The following PHLDB2 variants were observed in gnomAD, a reference collection of about 807,000 sequenced individuals.
The protein encoded by PHLDB2 is pleckstrin homology like domain family B member 2.
PHLDB2 carries 71 observed loss-of-function variants against 123.6 expected under a neutral mutation model. The ratio of observed to expected loss-of-function variants is 0.57; its 90% confidence interval spans 0.47 to 0.70. The LOEUF (loss-of-function observed/expected upper bound fraction) is 0.70, where lower values mean the gene tolerates loss of function less well. PHLDB2 is among the 30% of genes least tolerant of loss of function. The pLI is 0.00. For missense variants in PHLDB2, 1,446 were observed against 1,519.5 expected (o/e 0.95, Z 0.80); for synonymous variants, 547 against 541.6 (o/e 1.01, Z -0.14).
intron 13 of PHLDB2, among the ~76,000 whole-genome samples, chr3:111,966,085 G>A (rs1023837883): frequency 2.6e-5 from 4 of 152,140 alleles, no homozygotes; most frequent in Admixed American, 2.0e-4. Flanking sequence ...AATAAATAAA[G>A]TGTCCACACA....
At chr3:111,844,729 C>T (rs1248273109) in intron 1 of PHLDB2, among the ~76,000 whole-genome samples, 1 of 152,172 alleles carries the variant, frequency 6.6e-6, no homozygotes, top group Non-Finnish European at 1.5e-5. Context: ...TGGTGATTGT[C>T]CCCTTATTAG....
intron 1 of PHLDB2, among the ~76,000 whole-genome samples, chr3:111,876,019 A>G (rs556440894): frequency 6.6e-6 from 1 of 152,222 alleles, no homozygotes; most frequent in East Asian, 1.9e-4. Flanking sequence ...TCCAAATAAA[A>G]TCACTACTGA....
intron 3 of PHLDB2, chr3:111,916,648 T>C (rs564940119): frequency 6.6e-6 from 1 of 152,324 alleles, no homozygotes; most frequent in South Asian, 2.1e-4. Flanking sequence ...TTTGGAAATA[T>C]GCTAATTTTA....
chr3:111,827,800 T>C (rs1335706247), intron 1 of PHLDB2, among the ~76,000 whole-genome samples: 2 of 151,936 alleles, frequency 1.3e-5, no homozygotes, highest in Admixed American at 1.3e-4. Context: ...ATTATAAATA[T>C]GCTACACTGT....
At chr3:111,745,319 G>A (rs1283074046) in intron 1 of PHLDB2, among the ~76,000 whole-genome samples, 1 of 152,150 alleles carries the variant, frequency 6.6e-6, no homozygotes, top group Non-Finnish European at 1.5e-5. Context: ...TTAAAATTAA[G>A]ATCACCAACA....
At chr3:111,796,000 G>T (rs886711431) in intron 1 of PHLDB2, among the ~76,000 whole-genome samples, 1 of 152,138 alleles carries the variant, frequency 6.6e-6, no homozygotes, top group Non-Finnish European at 1.5e-5. Flanking sequence ...GAGTTCAAGC[G>T]ACTCTCCTGC....
chr3:111,959,156 T>A (rs2071234789), intron 12 of PHLDB2, among the ~76,000 whole-genome samples: 1 of 152,260 alleles, frequency 6.6e-6, no homozygotes, highest in Non-Finnish European at 1.5e-5. Context: ...CTGTTTAAAA[T>A]ATCTATGCCT....
chr3:111,789,852 G>C (rs958195848), intron 1 of PHLDB2, among the ~76,000 whole-genome samples: 2 of 152,084 alleles, frequency 1.3e-5, no homozygotes, highest in African/African-American at 4.8e-5. Context: ...AGCCAACTGA[G>C]CAATACAAAA....
At position 111,952,507 on chromosome 3, in the gene PHLDB2, A is replaced by T. The variant is rs1218048986; in HGVS notation, c.2632-65A>T. ...TTTTTTTGTAAGTGCATAATTCTTCATTTCTTCAGTCACCTATTACAGTTA... is the reference window on the plus strand; with the variant it reads ...TTTTTTTGTAAGTGCATAATTCTTCTTTTCTTCAGTCACCTATTACAGTTA... On this transcript the variant is annotated intron_variant, in intron 10 of 17. Coordinates refer to ENST00000431670, the MANE Select transcript of PHLDB2 (RefSeq NM_001134438.2). 7 of 1,539,320 alleles carry T rather than the reference A, an allele frequency of 4.5e-6. No homozygotes were observed. In the African/African-American group the frequency reaches 9.8e-5, roughly 21 times the overall value.
chr3:111,771,405 A>T (rs1221221995), intron 1 of PHLDB2, among the ~76,000 whole-genome samples: 1 of 150,426 alleles, frequency 6.6e-6, no homozygotes, highest in Admixed American at 6.6e-5. Flanking sequence ...GCTGGAGTGC[A>T]GTGGTGCCAT....
At position 111,884,420 on chromosome 3, in the gene PHLDB2, A is replaced by G. The variant is rs762987642; in HGVS notation, c.343A>G (p.Thr115Ala). Residue 115 changes from threonine (T) to alanine (A), a missense_variant, in exon 2 of 18, where the codon ACA becomes GCA. This residue lies in a region of PHLDB2 where 832 missense variants were observed against 831.9 expected (regional missense o/e 1.00). Coordinates refer to ENST00000431670, the MANE Select transcript of PHLDB2 (RefSeq NM_001134438.2). Reference sequence around the variant, plus strand: ...ACCTCCAACTCCTTTACTCAACACTACATCCTCCCTCAGTGGATATCCACT... The same window carrying G: ...ACCTCCAACTCCTTTACTCAACACTGCATCCTCCCTCAGTGGATATCCACT... ...MKPPTPLLNT[T>A]SSLSGYPLGR... 1.9e-6 allele frequency: 3 copies of G among 1,614,152 alleles called. No homozygotes were observed. The highest frequency in any genetic ancestry group is 2.2e-5 in the East Asian group (1 of 44,876).
chr3:111,790,485 T>C (rs1289898966), intron 1 of PHLDB2, among the ~76,000 whole-genome samples: 4 of 152,216 alleles, frequency 2.6e-5, no homozygotes, highest in Non-Finnish European at 5.9e-5. Flanking sequence ...TCACAGCACT[T>C]GAGGCATTAG....
chr3:111,912,642 A>T (rs1325497897), intron 2 of PHLDB2, among the ~76,000 whole-genome samples: 1 of 152,232 alleles, frequency 6.6e-6, no homozygotes, highest in Non-Finnish European at 1.5e-5. Flanking sequence ...AAGATTCAGT[A>T]AGTAGCTGTT....
At chr3:111,857,123 G>A (rs754608982), upstream of PHLDB2, among the ~76,000 whole-genome samples, 8 of 152,020 alleles carry the variant, frequency 5.3e-5, no homozygotes, top group South Asian at 2.1e-4. Context: ...TCTAGTCTAC[G>A]AGGCCACTGT....
At chr3:111,746,489 A>T (rs1400019836) in intron 1 of PHLDB2, among the ~76,000 whole-genome samples, 1 of 152,174 alleles carries the variant, frequency 6.6e-6, no homozygotes, top group Non-Finnish European at 1.5e-5. Context: ...CCAGCTGGGT[A>T]CAGTGGCTCA....
chr3:111,809,588 A>G (rs1193881045), intron 1 of PHLDB2, among the ~76,000 whole-genome samples: 1 of 152,214 alleles, frequency 6.6e-6, no homozygotes, highest in Non-Finnish European at 1.5e-5. Context: ...ATCACTGTAT[A>G]TCAGGTCTTT....
rs114344613 is a variant in PHLDB2 at position 111,971,330 on chromosome 3, G to A, written c.3535+1421G>A. 5.7e-3 allele frequency among the ~76,000 whole-genome samples: 868 copies of A among 151,730 alleles called. 5 individuals carry two copies. Among genetic ancestry groups the A allele is most frequent in the African/African-American group, 0.02 (808 of 41,388 alleles). On this transcript the variant is annotated intron_variant, in intron 16 of 17. Transcript: ENST00000431670. ...GCCTTATTTCATTCTCTCATCTATC[G>A]GCCAGGTGAGTGGTTTCATGACCTG...
chr3:111,860,525 T>C (rs987513079), intron 1 of PHLDB2, among the ~76,000 whole-genome samples: 4 of 152,196 alleles, frequency 2.6e-5, no homozygotes, highest in Non-Finnish European at 4.4e-5. Context: ...TCATCACTTA[T>C]TAAAGCGCCG....
At chr3:111,770,190 G>C (rs886107905) in intron 1 of PHLDB2, among the ~76,000 whole-genome samples, 1 of 152,080 alleles carries the variant, frequency 6.6e-6, no homozygotes, top group South Asian at 2.1e-4. Flanking sequence ...CTCTGGGAAG[G>C]GTGCTTATTA....
Sources: gnomAD v4.1 joint callset for allele counts (sites outside exome capture counted in the v4.1 genomes callset) on GRCh38, gnomAD v4.1.1 for gene constraint, gnomAD v4.1.1 regional missense constraint, MANE v1.5 for transcripts, NCBI Gene and HGNC (gene_info 2026-07-23, HGNC 2026-07-21) for gene names.